NADSYN1: variants seen among roughly 807,000 people sequenced by gnomAD.
NADSYN1 encodes glutamine-dependent NAD(+) synthetase.
A neutral mutation model predicts 99.3 loss-of-function variants in NADSYN1; 80 were observed. That is an observed-to-expected ratio of 0.81 (90% CI 0.67 to 0.97). The LOEUF (loss-of-function observed/expected upper bound fraction) is 0.97, where lower values mean the gene tolerates loss of function less well. NADSYN1 is among the 50% of genes least tolerant of loss of function. The probability of loss-of-function intolerance (pLI) is 0.00; values close to 1 mark genes in which losing one functional copy is unlikely to be tolerated. For missense variants in NADSYN1, 859 were observed against 948.5 expected, an observed-to-expected ratio of 0.91 and a Z score of 1.24; for synonymous variants, 385 against 372.1, an observed-to-expected ratio of 1.03 and a Z score of -0.40.
intron 20 of NADSYN1, chr11:71,499,293 A>G (rs539579209): frequency 6.6e-6 from 1 of 152,292 alleles, no homozygotes; most frequent in South Asian, 2.1e-4. Context: ...ATTTCCTGTC[A>G]GTTATACCCG....
chr11:71,497,687 A>G, intron 19 of NADSYN1, 76 bp downstream of exon 19: 3 of 1,567,442 alleles, frequency 1.9e-6, no homozygotes, highest in Non-Finnish European at 1.7e-6. Flanking sequence ...TTTGACCTGT[A>G]GGAACAAGTA....
At chr11:71,470,963 A>C (rs753384315) in intron 5 of NADSYN1, among the ~76,000 whole-genome samples, 3 of 152,116 alleles carry the variant, frequency 2.0e-5, no homozygotes, top group Non-Finnish European at 2.9e-5. Flanking sequence ...ACAGGGCTCT[A>C]TCCTGTGCTT....
chr11:71,464,220 G>A, intron 5 of NADSYN1, 78 bp downstream of exon 5: 2 of 1,186,258 alleles, frequency 1.7e-6, no homozygotes, highest in Admixed American at 2.1e-5. Flanking sequence ...CTGATCATGG[G>A]AGTGTTACCG....
At chr11:71,477,278 G>A (rs78662065) in intron 9 of NADSYN1, 54 of 1,250,742 alleles carry the variant, frequency 4.3e-5, no homozygotes, top group East Asian at 1.8e-4. Context: ...CTCATGGAAC[G>A]ATCCTCGCCT....
intron 18 of NADSYN1, chr11:71,496,888 T>C (rs1949823490): frequency 6.5e-6 from 1 of 153,104 alleles, no homozygotes; most frequent in African/African-American, 2.4e-5. Flanking sequence ...CTTCTTCTTT[T>C]TTTTAGAGAC....
intron 3 of NADSYN1, among the ~76,000 whole-genome samples, chr11:71,462,916 C>T (rs1949559571): frequency 6.6e-6 from 1 of 152,166 alleles, no homozygotes; most frequent in Admixed American, 6.5e-5. Flanking sequence ...CTGCTATGGT[C>T]CCCTTATCTG....
chr11:71,498,323 A>G lies in NADSYN1; in HGVS notation c.1894-29A>G, dbSNP rs772601846. The G allele has an allele frequency of 2.0e-5, 32 of 1,612,438 alleles. 2 individuals carry two copies. In the South Asian group the frequency reaches 3.1e-4, roughly 16 times the overall value. ...CTGGGGTCTCTCCAGTTTTGGTAAC[A>G]TGAAGCTCGTGTGTTGCACGCCCAC... is the stretch of plus-strand genomic sequence containing the variant. On this transcript the variant is annotated intron_variant, in intron 19 of 20. Transcript: ENST00000319023.
chr11:71,479,007 A>C (rs570055044), intron 10 of NADSYN1: 2 of 161,440 alleles, frequency 1.2e-5, no homozygotes, highest in South Asian at 3.5e-4. Context: ...AGGATGTCCA[A>C]CTGAGCAGCT....
At chr11:71,478,841 G>A (rs1270822385) in intron 10 of NADSYN1, 3 of 197,314 alleles carry the variant, frequency 1.5e-5, no homozygotes, top group East Asian at 2.3e-4. Context: ...GTGTGCAGCC[G>A]AGGCTGGTCC....
At chr11:71,480,201 T>A (rs867402063) in intron 10 of NADSYN1, 1 of 152,634 alleles carries the variant, frequency 6.6e-6, no homozygotes, top group African/African-American at 2.4e-5. Flanking sequence ...GTTTCACCCT[T>A]GCTGTGAACT....
intron 9 of NADSYN1, chr11:71,476,721 T>TCCC (rs3838792): frequency 0.94 from 927,352 of 985,364 alleles, 438,176 homozygotes; most frequent in Non-Finnish European, 0.96. Flanking sequence ...CTCTCCCCGT[T>TCCC]CACGTCAGAG....
chr11:71,486,985 T>C (rs1032838635), intron 16 of NADSYN1, among the ~76,000 whole-genome samples: 1 of 151,968 alleles, frequency 6.6e-6, no homozygotes, highest in Non-Finnish European at 1.5e-5. Flanking sequence ...TTTTTGTATT[T>C]TTAGTAGAGA....
chr11:71,491,791 C>T (rs1394598821), intron 17 of NADSYN1, 43 bp from the exon 18 acceptor site: 1 of 1,588,646 alleles, frequency 6.3e-7, no homozygotes, highest in Admixed American at 1.7e-5. Context: ...CTCACACCAC[C>T]CTCGCAGCTG....
chr11:71,482,929 C>T lies in NADSYN1; in HGVS notation c.1231C>T (p.Arg411Cys), dbSNP rs759432829. 74 of 1,613,184 alleles carry T rather than the reference C, an allele frequency of 4.6e-5. No homozygotes were observed. The highest frequency in any genetic ancestry group is 1.1e-4 in the East Asian group (5 of 44,886). Reference protein sequence around the residue: ...TPQDPRDLCGRILTTCYMASK... With the variant: ...TPQDPRDLCGCILTTCYMASK... ...CCAGGATCCCCGAGACCTCTGTGGA[C>T]GCATACTGACCACCTGCTACATGGC... is the stretch of plus-strand genomic sequence containing the variant. Residue 411 changes from arginine to cysteine, a missense_variant, in exon 14 of 21, where the codon CGC (arginine) becomes TGC (cysteine). Arg to Cys is a radical substitution (Grantham distance 180, BLOSUM62 -3). Coordinates refer to ENST00000319023, the MANE Select transcript of NADSYN1 (RefSeq NM_018161.5).
chr11:71,477,360 G>C, intron 9 of NADSYN1: 1 of 1,289,742 alleles, frequency 7.8e-7, no homozygotes, highest in Non-Finnish European at 1.0e-6. Flanking sequence ...TGGCCAGGGT[G>C]CTGTCACTTT....
At chr11:71,454,767 CA>C (rs1354174235) in intron 1 of NADSYN1, among the ~76,000 whole-genome samples, 1 of 152,188 alleles carries the variant, frequency 6.6e-6, no homozygotes, top group Admixed American at 6.5e-5. Context: ...AATAAACTAC[CA>C]GGGTCTGACT....
intron 5 of NADSYN1, among the ~76,000 whole-genome samples, chr11:71,469,750 C>T (rs571481422): frequency 1.2e-4 from 18 of 152,218 alleles, no homozygotes; most frequent in South Asian, 8.3e-4. Context: ...ATAGCCATCA[C>T]GAGCATGTCA....
intron 9 of NADSYN1, chr11:71,477,197 G>GT (rs1949673609): frequency 8.5e-7 from 1 of 1,180,378 alleles, no homozygotes; most frequent in Non-Finnish European, 1.1e-6. Context: ...GGCTTGTCGT[G>GT]TGCCTGGAGT....
chr11:71,476,991 C>T, intron 9 of NADSYN1: 3 of 1,042,344 alleles, frequency 2.9e-6, no homozygotes, highest in Non-Finnish European at 3.5e-6. Flanking sequence ...TTCAGAGTGG[C>T]CGCGCTGTCC....
Sources: gnomAD v4.1 joint callset for allele counts (sites outside exome capture counted in the v4.1 genomes callset) on GRCh38, gnomAD v4.1.1 for gene constraint, MANE v1.5 for transcripts, NCBI Gene and HGNC (gene_info 2026-07-23, HGNC 2026-07-21) for gene names.